Variants in FTO observed in about 807,000 individuals in gnomAD.
FTO encodes FTO alpha-ketoglutarate dependent dioxygenase, also known as alpha-ketoglutarate-dependent dioxygenase FTO.
In FTO, 47 loss-of-function variants were observed where a neutral mutation model predicts 63.9. The observed-to-expected ratio is 0.74, with a 90% CI of 0.58 to 0.94. The LOEUF is 0.94. Among genes scored for constraint, FTO ranks in the 40% least tolerant of loss-of-function variants. FTO has a pLI of 0.00. For missense variants in FTO, 562 were observed against 618.1 expected, an observed-to-expected ratio of 0.91 and a Z score of 0.96; for synonymous variants, 207 against 224.4, an observed-to-expected ratio of 0.92 and a Z score of 0.69.
At chr16:53,931,184 A>T (rs536147382) in intron 7 of FTO, among the ~76,000 whole-genome samples, 5 of 152,282 alleles carry the variant, frequency 3.3e-5, no homozygotes, top group South Asian at 2.1e-4. Flanking sequence ...AGGGGGGAAA[A>T]ATTTTGTTTT....
At chr16:54,111,687 C>T in intron 8 of FTO, 75 bp from the exon 9 acceptor site, 4 of 1,526,564 alleles carry the variant, frequency 2.6e-6, no homozygotes, top group Non-Finnish European at 3.6e-6. Flanking sequence ...GCCAGTGTTG[C>T]TCCAAGCTTC....
At chr16:53,774,614 T>C (rs886419117) in intron 1 of FTO, among the ~76,000 whole-genome samples, 3 of 152,170 alleles carry the variant, frequency 2.0e-5, no homozygotes, top group African/African-American at 7.2e-5. Flanking sequence ...TTTATATATG[T>C]CTGGATTTAG....
At chr16:53,988,137 G>A (rs2083715535) in intron 8 of FTO, among the ~76,000 whole-genome samples, 1 of 152,134 alleles carries the variant, frequency 6.6e-6, no homozygotes, top group Non-Finnish European at 1.5e-5. Context: ...CTGGAACCAG[G>A]TAACATTTTA....
At chr16:53,850,058 A>G (rs950335480) in intron 4 of FTO, among the ~76,000 whole-genome samples, 4 of 152,168 alleles carry the variant, frequency 2.6e-5, no homozygotes, top group African/African-American at 9.7e-5. Flanking sequence ...ATTACCTCTC[A>G]TGGGTCTTGA....
chr16:54,116,040 A>G lies in FTO; in HGVS notation c.*4125A>G, dbSNP rs1340138734. On this transcript the variant is annotated 3_prime_UTR_variant, in exon 9 of 9. Coordinates refer to ENST00000471389, the MANE Select transcript of FTO (RefSeq NM_001080432.3). ...CAGCCCCACAGAGCTTTCTAGACAT[A>G]AAAGAGCAGGGTCATGGCATCATTG... 2.6e-5 allele frequency: 4 copies of G among 152,224 alleles called. No individual in the cohort carries two copies. Among genetic ancestry groups the G allele is most frequent in the African/African-American group, 9.7e-5 (4 of 41,446 alleles). The allele number at this position is 152,224 out of a possible 1,614,324, so 9.4% of individuals were successfully genotyped here. A position where few individuals can be genotyped will look rare whatever the true frequency, so the allele number is the denominator to read the frequency against.
intron 8 of FTO, among the ~76,000 whole-genome samples, chr16:54,004,428 GT>G (rs533807386): frequency 1.3e-5 from 2 of 150,450 alleles, no homozygotes; most frequent in African/African-American, 2.5e-5. Context: ...AAATGTCGTG[GT>G]TTTTTTTTAA....
At chr16:53,890,642 C>CA (rs1210467972) in intron 7 of FTO, among the ~76,000 whole-genome samples, 1 of 152,116 alleles carries the variant, frequency 6.6e-6, no homozygotes, top group Admixed American at 6.5e-5. Context: ...AATAGTATCA[C>CA]AAAAATTGAT....
At chr16:53,914,267 T>C (rs2081801099) in intron 7 of FTO, among the ~76,000 whole-genome samples, 2 of 151,954 alleles carry the variant, frequency 1.3e-5, no homozygotes, top group Non-Finnish European at 2.9e-5. Flanking sequence ...TTTCTTTTTT[T>C]TTTTGTCCTG....
At chr16:53,732,072 G>T (rs1381186037) in intron 1 of FTO, among the ~76,000 whole-genome samples, 19 of 133,578 alleles carry the variant, frequency 1.4e-4, no homozygotes, top group African/African-American at 4.8e-4. Context: ...TTTTTGAGAC[G>T]GAGTCTCGCT....
chr16:53,719,496 TGGTTTACTAG>T lies in FTO; in HGVS notation c.45+15271_45+15280del, dbSNP rs1167667885. 1.2e-4 allele frequency among the ~76,000 whole-genome samples: 19 copies of T among 152,238 alleles called. No homozygotes were observed. The East Asian group carries it at 3.5e-3, about 28-fold the overall frequency. On this transcript the variant is annotated intron_variant, in intron 1 of 8. Transcript: ENST00000471389. ...ACATGGCATTGAGCATAACATTCTC[TGGTTTACTAG>T]GGTAGAATTGTGTATAGTTTTATAA...
intron 8 of FTO, among the ~76,000 whole-genome samples, chr16:54,105,040 C>A (rs1191410179): frequency 6.6e-6 from 1 of 152,188 alleles, no homozygotes; most frequent in Non-Finnish European, 1.5e-5. Flanking sequence ...TTTATCTTCA[C>A]ATAACCCGGT....
chr16:54,006,814 A>G (rs1198891761), intron 8 of FTO, among the ~76,000 whole-genome samples: 1 of 152,236 alleles, frequency 6.6e-6, no homozygotes, highest in African/African-American at 2.4e-5. Flanking sequence ...ATATATGTGT[A>G]TTCCAGTCAT....
intron 1 of FTO, among the ~76,000 whole-genome samples, chr16:53,729,702 A>C (rs1262916363): frequency 1.3e-5 from 2 of 149,654 alleles, no homozygotes; most frequent in East Asian, 3.9e-4. Flanking sequence ...TTATACTCCT[A>C]CTGTTGGAAA....
chr16:53,786,389 A>C (rs1385018363), intron 1 of FTO, among the ~76,000 whole-genome samples: 1 of 152,198 alleles, frequency 6.6e-6, no homozygotes, highest in Non-Finnish European at 1.5e-5. Flanking sequence ...GCATGGATTC[A>C]ATGCAAAATG....
intron 2 of FTO, among the ~76,000 whole-genome samples, chr16:53,814,448 T>A (rs2078618050): frequency 6.6e-6 from 1 of 152,192 alleles, no homozygotes. Context: ...TCTTGCTATA[T>A]GCTTCTGAGA....
At chr16:53,799,910 A>T (rs1024847025) in intron 1 of FTO, among the ~76,000 whole-genome samples, 1 of 152,114 alleles carries the variant, frequency 6.6e-6, no homozygotes, top group African/African-American at 2.4e-5. Context: ...TTCTGTGTGT[A>T]TTTTTAAATC....
chr16:53,977,725 G>A (rs1208845137), intron 8 of FTO, among the ~76,000 whole-genome samples: 2 of 152,044 alleles, frequency 1.3e-5, no homozygotes, highest in Non-Finnish European at 2.9e-5. Context: ...ATATTTCTTT[G>A]ACATCTTTAT....
At chr16:53,923,619 G>T (rs542899519) in intron 7 of FTO, among the ~76,000 whole-genome samples, 1 of 152,242 alleles carries the variant, frequency 6.6e-6, no homozygotes, top group South Asian at 2.1e-4. Context: ...CAAGCAGCTG[G>T]CTTCTATAAA....
chr16:54,026,404 C>T (rs761221371), intron 8 of FTO, among the ~76,000 whole-genome samples: 19 of 152,170 alleles, frequency 1.2e-4, no homozygotes, highest in Non-Finnish European at 2.1e-4. Context: ...CAAACCCCAA[C>T]CCCTTTTTAA....
Sources: gnomAD v4.1 joint callset for allele counts (sites outside exome capture counted in the v4.1 genomes callset) on GRCh38, gnomAD v4.1.1 for gene constraint, MANE v1.5 for transcripts, NCBI Gene and HGNC (gene_info 2026-07-23, HGNC 2026-07-21) for gene names.